SCML1: variants seen among roughly 807,000 people sequenced by gnomAD.
The protein encoded by SCML1 is sex comb on midleg-like protein 1.
For missense variants in SCML1, 137 were observed against 258.1 expected (o/e 0.53, Z 3.22); for synonymous variants, 104 against 103.6 (o/e 1.00, Z -0.02).
At chrX:17,744,310 A>G in intron 2 of SCML1, 91 bp downstream of exon 2, 2 of 675,906 alleles carry the variant, frequency 3.0e-6, no homozygotes, top group Non-Finnish European at 4.6e-6. Context: ...AGTGAAATGC[A>G]TAGATCATAA....
At chrX:17,739,403 A>G (rs1275305634) in intron 1 of SCML1, among the ~76,000 whole-genome samples, 1 of 111,232 alleles carries the variant, frequency 9.0e-6, no homozygotes, top group Non-Finnish European at 1.9e-5. Flanking sequence ...GTAAATATAA[A>G]TGAGTTTCCT....
rs2066710619 is a variant in SCML1, at chrX:17,751,802, CT to C, written c.704-12del. 1 of 1,203,287 alleles carries C rather than the reference CT, an allele frequency of 8.3e-7. No individual in the cohort carries two copies. Among genetic ancestry groups the C allele is most frequent in the Non-Finnish European group, 1.1e-6 (1 of 890,780 alleles). ...GATTTGTCTTTTTTTTCTTTTCCCCCTCTCCATTGAAGTTACAAGGTCACCA... is the reference window on the plus strand; with the variant it reads ...GATTTGTCTTTTTTTTCTTTTCCCCCCTCCATTGAAGTTACAAGGTCACCA... On this transcript the variant is annotated splice_polypyrimidine_tract_variant and intron_variant, in intron 6 of 7. Transcript: ENST00000380041.
At chrX:17,737,989 A>C (rs1167671013) in intron 1 of SCML1, 1 of 111,997 alleles carries the variant, frequency 8.9e-6, no homozygotes, top group Non-Finnish European at 1.9e-5. Flanking sequence ...GCAGGTGGGG[A>C]GCGAGGAAGG....
intron 1 of SCML1, among the ~76,000 whole-genome samples, chrX:17,740,504 C>CA (rs749105829): frequency 0.011 from 1,032 of 95,470 alleles, 8 homozygotes; most frequent in Admixed American, 0.016. Flanking sequence ...ATTTTACAGA[C>CA]AAAAAAAAAA....
rs914306778 is a variant in SCML1 at position 17,754,680 on chromosome X, G to A, written c.*1288G>A. On this transcript the variant is annotated 3_prime_UTR_variant, in exon 8 of 8. Coordinates refer to ENST00000380041, the MANE Select transcript of SCML1 (RefSeq NM_001037540.3). ...CAAATATAAGGTTTACGAGCTATGAGAATTGGTGCTATCACCATTAGCTAT... is the reference window on the plus strand; with the variant it reads ...CAAATATAAGGTTTACGAGCTATGAAAATTGGTGCTATCACCATTAGCTAT... The A allele has an allele frequency of 3.5e-5, 4 of 112,765 alleles. No homozygotes were observed. Among genetic ancestry groups the A allele is most frequent in the African/African-American group, 1.3e-4 (4 of 30,979 alleles). 9.3% of individuals were successfully genotyped at this position (112,765 alleles called of 1,213,427 possible).
Position 17,749,385 on chromosome X carries a change from A to G in SCML1, c.199-15A>G, listed in dbSNP as rs755239986. On this transcript the variant is annotated splice_polypyrimidine_tract_variant and intron_variant, in intron 4 of 7. Transcript: ENST00000380041. The stretch of plus-strand genomic sequence containing the variant: ...CATTGTATACCAATTATATGACTAC[A>G]TTGTATTATAATAGGTTATATATGA... 2.0e-5 allele frequency: 18 copies of G among 910,381 alleles called. No individual in the cohort carries two copies. In the Admixed American group the frequency reaches 5.0e-4, roughly 25 times the overall value. 75.0% of individuals were successfully genotyped at this position (910,381 alleles called of 1,213,427 possible).
In SCML1 at chrX:17,744,231, A is replaced by T; in HGVS notation, c.33+12A>T. On this transcript the variant is annotated intron_variant, in intron 2 of 7. Transcript: ENST00000380041. ...GTGAAATCGATGTGGTTTGTATTCA[A>T]ATTGAAAATCTGTCTTTGTTCTTTT... The T allele has an allele frequency of 8.4e-7, 1 of 1,188,566 alleles. No homozygotes were observed. Among genetic ancestry groups the T allele is most frequent in the Non-Finnish European group, 1.1e-6 (1 of 874,893 alleles).
At chrX:17,748,926 A>G (rs892231712) in intron 4 of SCML1, among the ~76,000 whole-genome samples, 2 of 112,589 alleles carry the variant, frequency 1.8e-5, no homozygotes, top group African/African-American at 3.2e-5. Flanking sequence ...CACATCTGTT[A>G]TATTTGGTTC....
At chrX:17,740,384 C>T (rs1356753686) in intron 1 of SCML1, among the ~76,000 whole-genome samples, 2 of 111,542 alleles carry the variant, frequency 1.8e-5, no homozygotes, top group Non-Finnish European at 3.8e-5. Flanking sequence ...TGGATAGATG[C>T]GGTCAATACT....
chrX:17,741,513 G>A, intron 1 of SCML1, among the ~76,000 whole-genome samples: 1 of 111,956 alleles, frequency 8.9e-6, no homozygotes, highest in Non-Finnish European at 1.9e-5. Context: ...GTTATTGGTA[G>A]CAAAGGTATA....
intron 6 of SCML1, among the ~76,000 whole-genome samples, chrX:17,751,307 A>G (rs1187512188): frequency 8.9e-6 from 1 of 112,250 alleles, no homozygotes; most frequent in East Asian, 2.8e-4. Flanking sequence ...TGGGGTTGTT[A>G]TTGAGATTCA....
intron 6 of SCML1, among the ~76,000 whole-genome samples, chrX:17,750,690 C>A (rs949891282): frequency 8.9e-6 from 1 of 112,289 alleles, no homozygotes; most frequent in African/African-American, 3.2e-5. Context: ...ACTTCTAGAA[C>A]TCTGCCCCAT....
At chrX:17,752,195 CATG>C (rs1457305897) in intron 7 of SCML1, among the ~76,000 whole-genome samples, 2 of 111,904 alleles carry the variant, frequency 1.8e-5, no homozygotes, top group Non-Finnish European at 3.8e-5. Context: ...CTTCTTAAGA[CATG>C]ATGATTCAGC....
At chrX:17,741,248 C>T (rs939509564) in intron 1 of SCML1, among the ~76,000 whole-genome samples, 1 of 111,669 alleles carries the variant, frequency 9.0e-6, no homozygotes, top group Non-Finnish European at 1.9e-5. Context: ...GTGCAGTTCA[C>T]AATAGGGTTT....
chrX:17,737,243 G>A (rs1215219300), upstream of SCML1, among the ~76,000 whole-genome samples: 1 of 107,006 alleles, frequency 9.3e-6, no homozygotes, highest in African/African-American at 3.4e-5. Context: ...GCAAATTCCC[G>A]CCCTCGGCCC....
intron 6 of SCML1, among the ~76,000 whole-genome samples, chrX:17,750,957 A>G (rs1221936170): frequency 1.8e-5 from 2 of 112,619 alleles, no homozygotes; most frequent in Non-Finnish European, 3.8e-5. Context: ...GATACTTGTC[A>G]GTACACAAAG....
intron 3 of SCML1, 128 bp downstream of exon 3, chrX:17,745,667 A>T (rs1488617821): frequency 2.3e-6 from 1 of 426,666 alleles, no homozygotes; most frequent in African/African-American, 2.5e-5. Context: ...CTGAATTTGT[A>T]TGCTTGCTTT....
At chrX:17,744,755 A>G (rs1199600971) in intron 2 of SCML1, 1 of 112,381 alleles carries the variant, frequency 8.9e-6, no homozygotes. Flanking sequence ...TTTTTCTCTG[A>G]CATAACTATG....
At chrX:17,747,747 G>A (rs1237765581) in intron 4 of SCML1, among the ~76,000 whole-genome samples, 2 of 111,900 alleles carry the variant, frequency 1.8e-5, no homozygotes, top group Admixed American at 9.4e-5. Context: ...CTGTTGGACC[G>A]GGTGTAGTGT....
Sources: allele counts gnomAD v4.1 joint callset (sites outside exome capture counted in the v4.1 genomes callset), GRCh38; gene constraint gnomAD v4.1.1; transcripts MANE v1.5; gene names NCBI Gene and HGNC (gene_info 2026-07-23, HGNC 2026-07-21).